Variants in PLBD1 observed in about 807,000 individuals in gnomAD.
The protein encoded by PLBD1 is lysosomal leucine aminopeptidase.
A neutral mutation model predicts 63.0 loss-of-function variants in PLBD1; 60 were observed. The ratio of observed to expected loss-of-function variants is 0.95; its 90% CI spans 0.77 to 1.18. PLBD1 has a LOEUF of 1.18. PLBD1 is among the 50% of genes most tolerant of loss of function. PLBD1 has a pLI of 0.00. For synonymous variants in PLBD1, 262 were observed against 248.0 expected (o/e 1.06, Z -0.53); for missense variants, 598 against 677.9 (o/e 0.88, Z 1.31).
intron 8 of PLBD1, among the ~76,000 whole-genome samples, chr12:14,510,121 G>C (rs1156301332): frequency 2.0e-5 from 3 of 152,150 alleles, no homozygotes; most frequent in Non-Finnish European, 4.4e-5. Flanking sequence ...AGGAAATAAA[G>C]ACAATTTAAA....
chr12:14,528,355 T>TA (rs895640837), intron 6 of PLBD1, among the ~76,000 whole-genome samples: 58 of 152,100 alleles, frequency 3.8e-4, no homozygotes, highest in Non-Finnish European at 1.5e-4. Context: ...TCAATAAAGT[T>TA]AAAAAAATTT....
Position 14,564,441 on chromosome 12 carries a change from A to T in PLBD1, c.115+3141T>A, listed in dbSNP as rs73062614. On this transcript the variant is annotated intron_variant, in intron 1 of 10. Coordinates refer to ENST00000240617, the MANE Select transcript of PLBD1 (RefSeq NM_024829.6). ...CAGCAATGCTAGGCAAGCACCATGC[A>T]GTGGAGGGGCACTCTCTCGGCTGAC... Among the ~76,000 whole-genome samples the T allele has an allele frequency of 6.9e-3, 1,044 of 152,358 alleles. 10 individuals are homozygous for T. The highest frequency in any genetic ancestry group is 0.034 in the Middle Eastern group (10 of 294).
chr12:14,512,305 C>T (rs1945304655), intron 6 of PLBD1, among the ~76,000 whole-genome samples: 1 of 151,008 alleles, frequency 6.6e-6, no homozygotes, highest in Non-Finnish European at 1.5e-5. Flanking sequence ...TGCACCACCA[C>T]ACCTGGCTAA....
chr12:14,518,783 G>A, intron 6 of PLBD1, among the ~76,000 whole-genome samples: 1 of 152,082 alleles, frequency 6.6e-6, no homozygotes, highest in East Asian at 1.9e-4. Flanking sequence ...CATGAATACA[G>A]AATATGGGCT....
chr12:14,566,719 T>C lies in PLBD1; in HGVS notation c.115+863A>G, dbSNP rs189896558. Among the ~76,000 whole-genome samples, 225 of 151,828 alleles carry C rather than the reference T, an allele frequency of 1.5e-3. 3 individuals are homozygous for C. In the South Asian group the frequency reaches 0.02, roughly 13 times the overall value. On this transcript the variant is annotated intron_variant, in intron 1 of 10. Transcript: ENST00000240617. ...TGTCTTATTTGCTGTGTTATCTTTA[T>C]GCGAATTACTTCTGATCAATCTCAC...
At chr12:14,524,002 G>T (rs56954318) in intron 6 of PLBD1, among the ~76,000 whole-genome samples, 1,714 of 152,204 alleles carry the variant, frequency 0.011, 24 homozygotes, top group African/African-American at 0.039. Flanking sequence ...TATGTCATGT[G>T]TAGCAATGTG....
chr12:14,547,325 T>C lies in PLBD1; in HGVS notation c.336-5034A>G, dbSNP rs191244911. Among the ~76,000 whole-genome samples the C allele has an allele frequency of 1.6e-3, 237 of 152,166 alleles. 3 individuals carry two copies. The South Asian group carries it at 0.021, about 14-fold the overall frequency. On this transcript the variant is annotated intron_variant, in intron 2 of 10. Coordinates refer to ENST00000240617, the MANE Select transcript of PLBD1 (RefSeq NM_024829.6). ...AGCCAGTCCTGCCACACACAGGGGC[T>C]CCAAGGAATACAATCTTCTTGCAGT...
chr12:14,503,702 G>T lies in PLBD1; in HGVS notation c.*70C>A. ...ATATATTTTATTGCATAATTCTGAT[G>T]GGAAAAACATAGCTAAAATAGTGCC... On this transcript the variant is annotated 3_prime_UTR_variant, in exon 11 of 11. Coordinates refer to ENST00000240617, the MANE Select transcript of PLBD1 (RefSeq NM_024829.6). 7.3e-7 allele frequency: 1 copy of T among 1,375,076 alleles called. No homozygotes were observed. The highest frequency in any genetic ancestry group is 1.0e-6 in the Non-Finnish European group (1 of 994,336). The allele number at this position is 1,375,076 out of a possible 1,614,324, so 85.2% of individuals were successfully genotyped here. A position where few individuals can be genotyped will look rare whatever the true frequency, so the allele number is the denominator to read the frequency against.
At position 14,540,818 on chromosome 12, in the gene PLBD1, T is replaced by C; in HGVS notation, c.504A>G (p.Gln168=). 1 of 1,610,966 alleles carries C rather than the reference T, an allele frequency of 6.2e-7. No homozygotes were observed. Among genetic ancestry groups the C allele is most frequent in the Non-Finnish European group, 8.5e-7 (1 of 1,177,796 alleles). The change falls in exon 4 of 11, where the codon CAA becomes CAG. Residue 168 remains glutamine (Q), a synonymous_variant. Transcript: ENST00000240617. ...FWRHTGYVMA[Q]IDGLYVGAKK... ...TTGCTCCTACATAGAGGCCATCTAT[T>C]TGTGCCATCACATAGCCTGTATGTC...
In PLBD1 at chr12:14,535,750, A is replaced by G. The variant is rs369533906; in HGVS notation, c.753T>C (p.Tyr251=). The change falls in exon 6 of 11, where the codon TAT becomes TAC. Residue 251 remains tyrosine, a synonymous_variant. Coordinates refer to ENST00000240617, the MANE Select transcript of PLBD1 (RefSeq NM_024829.6). ...ILFAHSSWYT[Y]AAMLRIYKHW... is the part of the protein sequence containing the mutation. The stretch of plus-strand genomic sequence containing the variant: ...GTTTATATATCCTGAGCATGGCTGC[A>G]TACGTGTACCAGCTTGAGTGAGCAA... The G allele has an allele frequency of 2.5e-6, 4 of 1,614,092 alleles. No individual in the cohort carries two copies. Among genetic ancestry groups the G allele is most frequent in the East Asian group, 2.2e-5 (1 of 44,888 alleles).
chr12:14,540,083 AAG>A (rs1221342115), intron 4 of PLBD1, among the ~76,000 whole-genome samples: 7 of 109,418 alleles, frequency 6.4e-5, no homozygotes, highest in Admixed American at 4.8e-4. Flanking sequence ...AATAGGCAAA[AAG>A]AGAGTTATAT....
intron 2 of PLBD1, among the ~76,000 whole-genome samples, chr12:14,549,946 G>A (rs893866477): frequency 6.6e-6 from 1 of 152,170 alleles, no homozygotes; most frequent in African/African-American, 2.4e-5. Context: ...GGGTTTACAG[G>A]CGTGAGACAC....
At chr12:14,537,945 G>GT (rs1205224992) in intron 4 of PLBD1, among the ~76,000 whole-genome samples, 40 of 151,962 alleles carry the variant, frequency 2.6e-4, no homozygotes, top group African/African-American at 9.2e-4. Flanking sequence ...ATTTTTACTA[G>GT]TTTTTTTGCA....
chr12:14,527,338 A>G (rs1336500344), intron 6 of PLBD1, among the ~76,000 whole-genome samples: 1 of 152,208 alleles, frequency 6.6e-6, no homozygotes, highest in East Asian at 1.9e-4. Context: ...AACATAAAAA[A>G]ACCCACATCA....
At chr12:14,551,978 T>C (rs1945663003) in intron 2 of PLBD1, among the ~76,000 whole-genome samples, 2 of 152,182 alleles carry the variant, frequency 1.3e-5, no homozygotes, top group African/African-American at 2.4e-5. Context: ...ATTTGTATGG[T>C]AGGGTAAAAA....
intron 1 of PLBD1, among the ~76,000 whole-genome samples, chr12:14,557,718 T>A (rs1945716586): frequency 6.6e-6 from 1 of 151,870 alleles, no homozygotes; most frequent in South Asian, 2.1e-4. Flanking sequence ...TCAGGAAAAA[T>A]AACTAATGGG....
chr12:14,538,089 C>G (rs953272080), intron 4 of PLBD1, among the ~76,000 whole-genome samples: 2 of 151,476 alleles, frequency 1.3e-5, no homozygotes, highest in Non-Finnish European at 2.9e-5. Context: ...TGCTGTTGTT[C>G]ACCTTGATTT....
intron 1 of PLBD1, among the ~76,000 whole-genome samples, chr12:14,567,064 C>CCCACAGAG: frequency 6.6e-6 from 1 of 152,150 alleles, no homozygotes; most frequent in Admixed American, 6.5e-5. Context: ...CATTGCACTC[C>CCCACAGAG]AGCGTCGCCC....
intron 9 of PLBD1, among the ~76,000 whole-genome samples, chr12:14,506,698 G>GT (rs1308996910): frequency 6.7e-6 from 1 of 149,160 alleles, no homozygotes; most frequent in East Asian, 1.9e-4. Context: ...TTTCTTCTGT[G>GT]TTTTACAGAT....
Sources: gnomAD v4.1 joint callset for allele counts (sites outside exome capture counted in the v4.1 genomes callset) on GRCh38, gnomAD v4.1.1 for gene constraint, MANE v1.5 for transcripts, NCBI Gene and HGNC (gene_info 2026-07-23, HGNC 2026-07-21) for gene names.